The following DAGLA variants were observed in gnomAD, a reference collection of about 807,000 sequenced individuals.
DAGLA encodes diacylglycerol lipase-alpha.
A neutral mutation model predicts 102.6 loss-of-function variants in DAGLA; 22 were observed. The ratio of observed to expected loss-of-function variants is 0.21; its 90% CI spans 0.15 to 0.31. The LOEUF is 0.31. Ranked by LOEUF, DAGLA falls within the 10% of genes least tolerant of loss-of-function variation. The pLI is 1.00. For missense variants in DAGLA, 927 were observed against 1,446.6 expected, an observed-to-expected ratio of 0.64 and a Z score of 5.83; for synonymous variants, 578 against 628.9, an observed-to-expected ratio of 0.92 and a Z score of 1.21.
chr11:61,693,193 A>G (rs1294907530), intron 1 of DAGLA, among the ~76,000 whole-genome samples: 3 of 151,856 alleles, frequency 2.0e-5, no homozygotes, highest in African/African-American at 7.3e-5. Flanking sequence ...ACGGGGTTTC[A>G]CCATGTTGGC....
intron 17 of DAGLA, 106 bp from the exon 18 acceptor site, chr11:61,740,357 A>G: frequency 6.9e-7 from 1 of 1,446,288 alleles, no homozygotes; most frequent in Non-Finnish European, 9.3e-7. Flanking sequence ...CCTCCAAACC[A>G]TGCCAGCTCT....
Position 61,683,321 on chromosome 11 carries a change from G to A in DAGLA, c.-45+2817G>A, listed in dbSNP as rs1020308250. Among the ~76,000 whole-genome samples, 4 of 152,142 alleles carry A rather than the reference G, an allele frequency of 2.6e-5. No homozygotes were observed. In the East Asian group the frequency reaches 7.7e-4, roughly 29 times the overall value. ...CTCGCCCTGTCCCCGTAGCTGCCACGCAGACACTGTCCAGCATTGCAGGTG... is the reference window on the plus strand; with the variant it reads ...CTCGCCCTGTCCCCGTAGCTGCCACACAGACACTGTCCAGCATTGCAGGTG... On this transcript the variant is annotated intron_variant, in intron 1 of 19. Transcript: ENST00000257215.
intron 1 of DAGLA, among the ~76,000 whole-genome samples, chr11:61,696,114 G>A (rs561399201): frequency 6.6e-6 from 1 of 152,318 alleles, no homozygotes; most frequent in South Asian, 2.1e-4. Context: ...ATGAGAGTGG[G>A]GGAGCCTGGG....
At chr11:61,691,311 T>G (rs1246217437) in intron 1 of DAGLA, among the ~76,000 whole-genome samples, 2 of 152,178 alleles carry the variant, frequency 1.3e-5, no homozygotes, top group African/African-American at 2.4e-5. Flanking sequence ...ATAGGAACCC[T>G]CTGAAATTGT....
intron 1 of DAGLA, among the ~76,000 whole-genome samples, chr11:61,682,887 T>A (rs950645656): frequency 1.3e-5 from 2 of 149,812 alleles, no homozygotes; most frequent in Non-Finnish European, 3.0e-5. Context: ...CTCAGACACA[T>A]AGGGGAAAGG....
rs1397405581 is a variant in DAGLA at position 61,741,319 on chromosome 11, C to T, written c.2141C>T (p.Pro714Leu). 26 of 1,609,816 alleles carry T rather than the reference C, an allele frequency of 1.6e-5. No individual in the cohort carries two copies. The East Asian group carries it at 4.0e-4, about 25-fold the overall frequency. ...PMPTGLALELPTADHRNSSVR... is the reference protein window; with the variant it reads ...PMPTGLALELLTADHRNSSVR... ...CCCACTGGCCTTGCCCTGGAGCTGC[C>T]GACTGCAGACCACCGCAACAGCAGC... is the stretch of plus-strand genomic sequence containing the variant. The change falls in exon 19 of 20, where the codon CCG (proline) becomes CTG (leucine). Residue 714 changes from proline to leucine, a missense_variant. This residue lies in a region of DAGLA where 434 missense variants were observed against 503.3 expected (regional missense o/e 0.86). Transcript: ENST00000257215.
chr11:61,685,827 G>A (rs942770985), intron 1 of DAGLA, among the ~76,000 whole-genome samples: 1 of 151,620 alleles, frequency 6.6e-6, no homozygotes, highest in East Asian at 1.9e-4. Flanking sequence ...GGTTGGCGGG[G>A]TGACTGGTGG....
rs1305697996 is a variant in DAGLA at position 61,740,217 on chromosome 11, G to A, written c.1854-246G>A. ...CCGTGCAGCAGGTGGAGCAGGTGTG[G>A]CCCAGGCCAAAAGCAGGTCGAAGGC... is the stretch of plus-strand genomic sequence containing the variant. On this transcript the variant is annotated intron_variant, in intron 17 of 19. Coordinates refer to ENST00000257215, the MANE Select transcript of DAGLA (RefSeq NM_006133.3). Among the ~76,000 whole-genome samples, 4 of 152,208 alleles carry A rather than the reference G, an allele frequency of 2.6e-5. No homozygotes were observed. In the East Asian group the frequency reaches 7.7e-4, roughly 29 times the overall value.
chr11:61,684,040 CGGG>C lies in DAGLA; in HGVS notation c.-45+3538_-45+3540del, dbSNP rs964362226. ...CCTGGCTGCTGTGCTTTAGGGGTGC[CGGG>C]GAGCCAGGCATCTGTGGCCAGAGGA... is the stretch of plus-strand genomic sequence containing the variant. On this transcript the variant is annotated intron_variant, in intron 1 of 19. Coordinates refer to ENST00000257215, the MANE Select transcript of DAGLA (RefSeq NM_006133.3). The surrounding 1 kb of genome is among the most constrained non-coding windows in gnomAD (Gnocchi z 4.5). Among the ~76,000 whole-genome samples the C allele has an allele frequency of 6.6e-5, 10 of 152,316 alleles. No homozygotes were observed. Among genetic ancestry groups the C allele is most frequent in the African/African-American group, 2.4e-4 (10 of 41,568 alleles).
intron 1 of DAGLA, among the ~76,000 whole-genome samples, chr11:61,700,663 G>T (rs979748926): frequency 2.0e-5 from 3 of 152,220 alleles, no homozygotes; most frequent in African/African-American, 7.2e-5. Flanking sequence ...GGACCCCAAA[G>T]AGAGGCTTGC....
At position 61,746,700 on chromosome 11, in the gene DAGLA, C is replaced by G. The variant is rs920510547; in HGVS notation, c.*2211C>G. The G allele has an allele frequency of 6.6e-6, 1 of 152,564 alleles. No homozygotes were observed. Among genetic ancestry groups the G allele is most frequent in the Non-Finnish European group, 1.5e-5 (1 of 68,058 alleles). 9.5% of individuals were successfully genotyped at this position (152,564 alleles called of 1,614,324 possible). The stretch of plus-strand genomic sequence containing the variant: ...CTGAGCCACCCCCCTCAGCCCCGTT[C>G]GGCTCAGACCGACCCCCACTCCATC... On this transcript the variant is annotated 3_prime_UTR_variant, in exon 20 of 20. Transcript: ENST00000257215.
intron 1 of DAGLA, among the ~76,000 whole-genome samples, chr11:61,717,062 G>A (rs1342427052): frequency 2.0e-5 from 3 of 152,262 alleles, no homozygotes; most frequent in Admixed American, 6.5e-5. Context: ...GGCAGGCAGC[G>A]CCTACCCCCG....
At chr11:61,731,152 G>A (rs966132515) in intron 8 of DAGLA, among the ~76,000 whole-genome samples, 165 bp from the exon 9 acceptor site, 3 of 152,218 alleles carry the variant, frequency 2.0e-5, no homozygotes, top group African/African-American at 4.8e-5. Flanking sequence ...TCACCTGGAG[G>A]AGTGTCCTTC....
chr11:61,723,514 T>A lies in DAGLA; in HGVS notation c.490T>A (p.Phe164Ile). 6.2e-7 allele frequency: 1 copy of A among 1,614,134 alleles called. No homozygotes were observed. The highest frequency in any genetic ancestry group is 1.1e-5 in the South Asian group (1 of 91,070). Residue 164 changes from phenylalanine to isoleucine, a missense_variant, in exon 5 of 20, where the codon TTT becomes ATT. By Grantham distance (21) the Phe-to-Ile change is conservative. This residue lies in a region of DAGLA where 231 missense variants were observed against 439.8 expected (regional missense o/e 0.53). Transcript: ENST00000257215. ...CGTCTTCGACCCCACGGGCCGCACC[T>A]TTGTCAAGCTGAGAGCCACCAAGAG... ...LCVFDPTGRT[F>I]VKLRATKRRQ...
intron 5 of DAGLA, 103 bp downstream of exon 5, chr11:61,723,675 T>C: frequency 1.4e-6 from 2 of 1,464,426 alleles, no homozygotes; most frequent in Non-Finnish European, 1.9e-6. Flanking sequence ...CCAGACTGCA[T>C]GCCAACCTCG....
At chr11:61,700,951 A>T (rs997750725) in intron 1 of DAGLA, among the ~76,000 whole-genome samples, 2 of 152,216 alleles carry the variant, frequency 1.3e-5, no homozygotes, top group African/African-American at 4.8e-5. Flanking sequence ...CGATGCTGGG[A>T]GGCTGGTGTT....
Position 61,740,630 on chromosome 11 carries a change from G to A in DAGLA, c.1983+38G>A, listed in dbSNP as rs528091317. The A allele has an allele frequency of 2.1e-4, 341 of 1,606,138 alleles. 3 individuals are homozygous for A. The South Asian group carries it at 3.4e-3, about 16-fold the overall frequency. On this transcript the variant is annotated intron_variant, in intron 18 of 19. Coordinates refer to ENST00000257215, the MANE Select transcript of DAGLA (RefSeq NM_006133.3). ...CCGGCAGGGTACCACCAGGGAATAA[G>A]GCACTGTCACCCCATCAGAACCCCG...
At chr11:61,695,920 C>CAGGCTACGGG (rs2065061021) in intron 1 of DAGLA, among the ~76,000 whole-genome samples, 1 of 152,186 alleles carries the variant, frequency 6.6e-6, no homozygotes, top group Admixed American at 6.5e-5. Flanking sequence ...GTGTGGATGA[C>CAGGCTACGGG]AGGCTCCGGG....
chr11:61,741,422 C>A (rs1480196719), intron 19 of DAGLA, 73 bp downstream of exon 19: 14 of 1,480,374 alleles, frequency 9.5e-6, no homozygotes, highest in African/African-American at 1.4e-5. Context: ...TGTGCACATG[C>A]ATTTTGTGCA....
Sources: gnomAD v4.1 joint callset for allele counts (sites outside exome capture counted in the v4.1 genomes callset) on GRCh38, gnomAD v4.1.1 for gene constraint, gnomAD v4.1.1 regional missense constraint, Gnocchi (gnomAD v3.1) non-coding constraint, MANE v1.5 for transcripts, NCBI Gene and HGNC (gene_info 2026-07-23, HGNC 2026-07-21) for gene names.